Variants in CYTH1 observed in about 807,000 individuals in gnomAD.
The protein encoded by CYTH1 is cytohesin 1.
CYTH1 carries 18 observed loss-of-function variants against 61.8 expected under a neutral mutation model. The observed-to-expected ratio is 0.29, with a 90% confidence interval of 0.20 to 0.43. The LOEUF is 0.43. Ranked by LOEUF, CYTH1 falls within the 20% of genes least tolerant of loss-of-function variation. The probability of loss-of-function intolerance (pLI) is 1.00; values close to 1 mark genes in which losing one functional copy is unlikely to be tolerated. For missense variants in CYTH1, 336 were observed against 510.5 expected (o/e 0.66, Z 3.29); for synonymous variants, 174 against 184.3 (o/e 0.94, Z 0.45).
chr17:78,745,505 C>A (rs561651595), intron 1 of CYTH1, among the ~76,000 whole-genome samples: 2 of 152,254 alleles, frequency 1.3e-5, no homozygotes, highest in East Asian at 1.9e-4. Flanking sequence ...AAAATAAAGT[C>A]AAAAATACTG....
At position 78,728,991 on chromosome 17, in the gene CYTH1, G is replaced by A. The variant is rs190492536; in HGVS notation, c.23-19259C>T. Reference sequence around the variant, plus strand: ...AATATTGGTGAGTCTGCTCATTTGCGACATGAAAATGAAAAGCTTCTGAGT... The same window carrying A: ...AATATTGGTGAGTCTGCTCATTTGCAACATGAAAATGAAAAGCTTCTGAGT... On this transcript the variant is annotated intron_variant, in intron 1 of 13. Transcript: ENST00000446868. Among the ~76,000 whole-genome samples the A allele has an allele frequency of 1.8e-3, 277 of 152,258 alleles. 1 individual carries two copies. The highest frequency in any genetic ancestry group is 3.2e-3 in the Non-Finnish European group (217 of 68,026).
chr17:78,687,711 A>G (rs2092831090), intron 11 of CYTH1, among the ~76,000 whole-genome samples: 1 of 152,208 alleles, frequency 6.6e-6, no homozygotes, highest in Non-Finnish European at 1.5e-5. Flanking sequence ...TTGGCTTTGA[A>G]AGCAGCCACT....
At chr17:78,718,001 C>T (rs1054090904) in intron 1 of CYTH1, among the ~76,000 whole-genome samples, 2 of 152,014 alleles carry the variant, frequency 1.3e-5, no homozygotes, top group African/African-American at 2.4e-5. Context: ...ACCAACAATG[C>T]GGGGAAACAT....
At position 78,735,803 on chromosome 17, in the gene CYTH1, C is replaced by G. The variant is rs74001220; in HGVS notation, c.23-26071G>C. ...ACACATTACCAGCTACAACCCAGTA[C>G]GCATTTTACTATTTTGTCTTGCAGC... On this transcript the variant is annotated intron_variant, in intron 1 of 13. Coordinates refer to ENST00000446868, the MANE Select transcript of CYTH1 (RefSeq NM_004762.6). Among the ~76,000 whole-genome samples, 662 of 152,322 alleles carry G rather than the reference C, an allele frequency of 4.3e-3. 6 individuals are homozygous for G. Among genetic ancestry groups the G allele is most frequent in the African/African-American group, 0.015 (624 of 41,562 alleles).
intron 1 of CYTH1, among the ~76,000 whole-genome samples, chr17:78,726,321 C>T (rs1252469403): frequency 6.6e-6 from 1 of 152,048 alleles, no homozygotes; most frequent in Non-Finnish European, 1.5e-5. Flanking sequence ...GGATTACAGG[C>T]GTGAGCCACC....
At chr17:78,685,063 G>A (rs2092802434) in intron 11 of CYTH1, among the ~76,000 whole-genome samples, 1 of 152,000 alleles carries the variant, frequency 6.6e-6, no homozygotes, top group African/African-American at 2.4e-5. Context: ...GCCGCATGTG[G>A]TGGCACGTGC....
intron 5 of CYTH1, 62 bp from the exon 6 acceptor site, chr17:78,701,813 T>C (rs1598850212): frequency 6.5e-7 from 1 of 1,545,730 alleles, no homozygotes; most frequent in Non-Finnish European, 8.9e-7. Context: ...ACTGAGAATC[T>C]CCAGCCAGGC....
chr17:78,762,812 G>C (rs1439585880), intron 1 of CYTH1, among the ~76,000 whole-genome samples: 1 of 152,168 alleles, frequency 6.6e-6, no homozygotes, highest in Non-Finnish European at 1.5e-5. Context: ...GCAGCCTTTA[G>C]AAGCTGGAAA....
chr17:78,714,170 A>T (rs1245901398), intron 1 of CYTH1, among the ~76,000 whole-genome samples: 4 of 151,998 alleles, frequency 2.6e-5, no homozygotes, highest in Non-Finnish European at 5.9e-5. Flanking sequence ...CACACCTGTA[A>T]TCCCAGCTAC....
chr17:78,677,229 G>A (rs2092710096), intron 13 of CYTH1: 2 of 382,192 alleles, frequency 5.2e-6, no homozygotes, highest in Non-Finnish European at 1.0e-5. Flanking sequence ...CATGTTTGGA[G>A]GTGTTGGGGT....
At chr17:78,761,760 TA>T (rs1450723214) in intron 1 of CYTH1, among the ~76,000 whole-genome samples, 1 of 152,162 alleles carries the variant, frequency 6.6e-6, no homozygotes, top group Non-Finnish European at 1.5e-5. Flanking sequence ...AAAAGAGTGT[TA>T]TTTTTAAAAA....
chr17:78,732,293 C>T (rs539399015), intron 1 of CYTH1, among the ~76,000 whole-genome samples: 2 of 152,246 alleles, frequency 1.3e-5, no homozygotes, highest in South Asian at 2.1e-4. Flanking sequence ...GGTCTTGATC[C>T]CCCACAGCCA....
intron 1 of CYTH1, among the ~76,000 whole-genome samples, chr17:78,721,259 GA>G (rs1223195115): frequency 6.6e-6 from 1 of 152,058 alleles, no homozygotes; most frequent in African/African-American, 2.4e-5. Flanking sequence ...GAATTTGGGA[GA>G]CAGAGGTTGC....
At chr17:78,758,094 C>A (rs1293915761) in intron 1 of CYTH1, among the ~76,000 whole-genome samples, 14 of 152,154 alleles carry the variant, frequency 9.2e-5, no homozygotes, top group Non-Finnish European at 1.8e-4. Flanking sequence ...AGTCCACTTA[C>A]AGGAATCTAG....
chr17:78,739,096 A>G (rs67655079), intron 1 of CYTH1, among the ~76,000 whole-genome samples: 8,200 of 152,298 alleles, frequency 0.054, 401 homozygotes, highest in South Asian at 0.15. Flanking sequence ...TTCCTCTTTC[A>G]TGAATTGCTT....
In CYTH1 at chr17:78,711,314, TACAC is replaced by T. The variant is rs71365530; in HGVS notation, c.23-1586_23-1583del. On this transcript the variant is annotated intron_variant, in intron 1 of 13. Transcript: ENST00000446868. The stretch of plus-strand genomic sequence containing the variant: ...TAAATAAATAAATAATATATATATA[TACAC>T]ACACACACACACACACACACCAGAC... Among the ~76,000 whole-genome samples the T allele has an allele frequency of 6.1e-3, 863 of 142,408 alleles. 3 individuals carry two copies. The highest frequency in any genetic ancestry group is 0.018 in the African/African-American group (659 of 36,654). The allele number at this position is 142,408 out of a possible 152,430, so 93.4% of individuals were successfully genotyped here. A position where few individuals can be genotyped will look rare whatever the true frequency, so the allele number is the denominator to read the frequency against.
intron 11 of CYTH1, chr17:78,691,572 A>G (rs1267189100): frequency 6.6e-6 from 1 of 152,270 alleles, no homozygotes. Context: ...CTTGGAGAAC[A>G]AAAGCAAAGC....
At chr17:78,722,762 C>T (rs150596453) in intron 1 of CYTH1, among the ~76,000 whole-genome samples, 187 of 152,248 alleles carry the variant, frequency 1.2e-3, no homozygotes, top group Middle Eastern at 6.8e-3. Flanking sequence ...GCATTAAACG[C>T]GACGTACAAT....
chr17:78,675,907 C>A lies in CYTH1; in HGVS notation c.*184G>T. On this transcript the variant is annotated 3_prime_UTR_variant, in exon 14 of 14. Coordinates refer to ENST00000446868, the MANE Select transcript of CYTH1 (RefSeq NM_004762.6). ...CTGGACAGGTGGCCGGTCCTCTCTT[C>A]CCCAGTGATAACTGCCCACCCTTCT... 7.9e-6 allele frequency: 12 copies of A among 1,526,430 alleles called. No homozygotes were observed. Among genetic ancestry groups the A allele is most frequent in the Non-Finnish European group, 1.1e-5 (12 of 1,135,608 alleles). 94.6% of individuals were successfully genotyped at this position (1,526,430 alleles called of 1,614,324 possible). A position where few individuals can be genotyped will look rare whatever the true frequency, so the allele number is the denominator to read the frequency against.
Sources: gnomAD v4.1 joint callset for allele counts (sites outside exome capture counted in the v4.1 genomes callset) on GRCh38, gnomAD v4.1.1 for gene constraint, MANE v1.5 for transcripts, NCBI Gene and HGNC (gene_info 2026-07-23, HGNC 2026-07-21) for gene names.